The following DLC1 variants were observed in gnomAD, a reference collection of about 807,000 sequenced individuals.
DLC1 encodes rho GTPase-activating protein 7.
DLC1 carries 54 observed loss-of-function variants against 140.3 expected under a neutral mutation model. The ratio of observed to expected loss-of-function variants is 0.38; its 90% CI spans 0.31 to 0.48. DLC1 has a LOEUF of 0.48. Ranked by LOEUF, DLC1 falls within the 20% of genes least tolerant of loss-of-function variation. The probability of loss-of-function intolerance (pLI) is 0.96; values close to 1 mark genes in which losing one functional copy is unlikely to be tolerated. For synonymous variants in DLC1, 986 were observed against 728.1 expected (o/e 1.35, Z -5.70); for missense variants, 2,536 against 1,907.0 (o/e 1.33, Z -6.14).
At chr8:13,243,420 A>G (rs572530981) in intron 5 of DLC1, among the ~76,000 whole-genome samples, 144 of 151,788 alleles carry the variant, frequency 9.5e-4, no homozygotes, top group African/African-American at 3.4e-3. Flanking sequence ...CTCCCCAGCC[A>G]TGCCTCCTGT....
At chr8:13,565,259 G>T (rs1388315803) in intron 1 of DLC1, among the ~76,000 whole-genome samples, 1 of 152,086 alleles carries the variant, frequency 6.6e-6, no homozygotes, top group African/African-American at 2.4e-5. Flanking sequence ...TTATAAAAAA[G>T]ACAGATTACC....
intron 5 of DLC1, among the ~76,000 whole-genome samples, chr8:13,303,915 T>G (rs76006466): frequency 0.051 from 7,779 of 152,334 alleles, 250 homozygotes; most frequent in South Asian, 0.12. Context: ...GAAAGAGAAC[T>G]CTCTGCCTTC....
At chr8:13,245,918 T>A (rs1309294849) in intron 5 of DLC1, among the ~76,000 whole-genome samples, 2 of 152,050 alleles carry the variant, frequency 1.3e-5, no homozygotes, top group Non-Finnish European at 2.9e-5. Context: ...GACAGGCTGG[T>A]CTTGAACTCC....
intron 1 of DLC1, among the ~76,000 whole-genome samples, chr8:13,581,504 C>T (rs1038447203): frequency 6.6e-6 from 1 of 152,148 alleles, no homozygotes; most frequent in Non-Finnish European, 1.5e-5. Flanking sequence ...GTACTATGTC[C>T]AATCCAACAG....
chr8:13,269,905 A>T (rs1259104989), intron 5 of DLC1, among the ~76,000 whole-genome samples: 5 of 150,716 alleles, frequency 3.3e-5, no homozygotes, highest in African/African-American at 1.2e-4. Context: ...AAAATACAAA[A>T]AAAAAAAAAA....
chr8:13,280,964 A>G (rs1047243604), intron 5 of DLC1, among the ~76,000 whole-genome samples: 58 of 152,348 alleles, frequency 3.8e-4, no homozygotes, highest in African/African-American at 1.3e-3. Flanking sequence ...CTATCCCAGC[A>G]TAATATATCT....
chr8:13,133,753 A>T (rs919471545), intron 5 of DLC1, among the ~76,000 whole-genome samples: 1 of 151,918 alleles, frequency 6.6e-6, no homozygotes, highest in Non-Finnish European at 1.5e-5. Flanking sequence ...AGCTCTGCGT[A>T]CTTTTTACCT....
At chr8:13,127,580 T>C (rs1318666125) in intron 5 of DLC1, among the ~76,000 whole-genome samples, 2 of 152,238 alleles carry the variant, frequency 1.3e-5, no homozygotes, top group African/African-American at 4.8e-5. Flanking sequence ...TTCAGCATCT[T>C]CTATTTTGTC....
chr8:13,322,355 G>T (rs1051460181), intron 4 of DLC1, among the ~76,000 whole-genome samples: 2 of 152,096 alleles, frequency 1.3e-5, no homozygotes, highest in African/African-American at 4.8e-5. Flanking sequence ...TCTATTTAAA[G>T]TACAAGTATG....
chr8:13,531,836 A>T (rs1803108691), intron 1 of DLC1, among the ~76,000 whole-genome samples: 1 of 152,190 alleles, frequency 6.6e-6, no homozygotes, highest in African/African-American at 2.4e-5. Context: ...CATTTTGCAT[A>T]CTTATTTTTG....
intron 5 of DLC1, among the ~76,000 whole-genome samples, chr8:13,127,906 C>T (rs887701735): frequency 1.3e-5 from 2 of 152,228 alleles, no homozygotes; most frequent in Non-Finnish European, 2.9e-5. Flanking sequence ...GACTCAGCTT[C>T]ACTGACCTCA....
intron 5 of DLC1, among the ~76,000 whole-genome samples, chr8:13,275,130 TG>T (rs1831108176): frequency 6.6e-6 from 1 of 152,238 alleles, no homozygotes; most frequent in South Asian, 2.1e-4. Flanking sequence ...CCGTCAGTCC[TG>T]GGGAATATTG....
intron 5 of DLC1, among the ~76,000 whole-genome samples, chr8:13,213,856 T>C (rs1365971613): frequency 6.6e-6 from 1 of 152,020 alleles, no homozygotes; most frequent in Non-Finnish European, 1.5e-5. Flanking sequence ...TGATCTCAGT[T>C]CACTGCAACC....
At chr8:13,364,869 T>A (rs538202773) in intron 4 of DLC1, among the ~76,000 whole-genome samples, 11 of 152,220 alleles carry the variant, frequency 7.2e-5, no homozygotes, top group Non-Finnish European at 1.6e-4. Flanking sequence ...ACAATAAAAA[T>A]AAATTGCCAA....
chr8:13,174,617 G>C (rs1410194254), intron 5 of DLC1, among the ~76,000 whole-genome samples: 2 of 152,150 alleles, frequency 1.3e-5, no homozygotes, highest in South Asian at 2.1e-4. Flanking sequence ...CTGATGATTA[G>C]TGATGATAAG....
chr8:13,551,047 AACAC>A (rs1554542230), intron 1 of DLC1, among the ~76,000 whole-genome samples: 1,255 of 123,052 alleles, frequency 0.01, 13 homozygotes, highest in Non-Finnish European at 0.015. Flanking sequence ...GATTTCTTTA[AACAC>A]ACACACACAC....
intron 2 of DLC1, among the ~76,000 whole-genome samples, chr8:13,435,688 C>A (rs964990172): frequency 1.3e-5 from 2 of 152,140 alleles, no homozygotes; most frequent in Non-Finnish European, 2.9e-5. Context: ...AGATACTGTG[C>A]ACATTGTTAA....
intron 5 of DLC1, among the ~76,000 whole-genome samples, chr8:13,298,642 G>T (rs2117492280): frequency 6.6e-6 from 1 of 152,262 alleles, no homozygotes; most frequent in Non-Finnish European, 1.5e-5. Flanking sequence ...TAGGAGCACA[G>T]AATAAGCTCT....
chr8:13,337,098 C>T (rs1528623), intron 4 of DLC1, among the ~76,000 whole-genome samples: 1,592 of 152,062 alleles, frequency 0.01, 27 homozygotes, highest in African/African-American at 0.036. Flanking sequence ...ACCTGCTTGA[C>T]AATGCCTTTA....
Sources: allele counts gnomAD v4.1 joint callset (sites outside exome capture counted in the v4.1 genomes callset), GRCh38; gene constraint gnomAD v4.1.1; transcripts MANE v1.5; gene names NCBI Gene and HGNC (gene_info 2026-07-23, HGNC 2026-07-21).